The following PRP4K variants were observed in gnomAD, a reference collection of about 807,000 sequenced individuals.
PRP4K encodes pre-mRNA processing factor kinase PRP4K.
chr6:4,023,212 A>G, the PRP4K span, among the ~76,000 whole-genome samples: 5 of 152,374 alleles, frequency 3.3e-5, no homozygotes, highest in Admixed American at 6.5e-5. Context: ...ACAGTTCTTT[A>G]GAGAACACTG....
At chr6:4,059,122 A>C in the PRP4K span, among the ~76,000 whole-genome samples, 10 of 152,104 alleles carry the variant, frequency 6.6e-5, no homozygotes, top group Non-Finnish European at 1.5e-4. Flanking sequence ...GATGTTTCTG[A>C]AAACATATCT....
chr6:4,061,381 T>C, the PRP4K span: 2 of 152,672 alleles, frequency 1.3e-5, no homozygotes, highest in Non-Finnish European at 2.9e-5. Context: ...CTGTTTCTTA[T>C]TAACTTTACT....
the PRP4K span, among the ~76,000 whole-genome samples, chr6:4,029,364 G>C: frequency 3.5e-5 from 4 of 115,146 alleles, no homozygotes; most frequent in Admixed American, 9.7e-5. Flanking sequence ...TTTTTTTAAA[G>C]ACAGGGTCTT....
At chr6:4,060,765 CT>C in the PRP4K span, 2 of 745,370 alleles carry the variant, frequency 2.7e-6, no homozygotes, top group South Asian at 4.0e-5. This position sits in a 1 kb window ranked among gnomAD's most constrained non-coding sequence, Gnocchi z 4.7. Context: ...GGTGATATTT[CT>C]TTTAGAGATG....
the PRP4K span, chr6:4,032,503 C>G: frequency 6.2e-7 from 1 of 1,613,968 alleles, no homozygotes; most frequent in Admixed American, 1.7e-5. Context: ...ATTAAATCTC[C>G]CTCTAAAGAT....
chr6:4,044,291 A>G, the PRP4K span: 1 of 366,742 alleles, frequency 2.7e-6, no homozygotes. Flanking sequence ...AGCAAATCCA[A>G]TTATGATTTT....
At chr6:4,027,979 A>G in the PRP4K span, among the ~76,000 whole-genome samples, 2 of 152,092 alleles carry the variant, frequency 1.3e-5, no homozygotes, top group Non-Finnish European at 2.9e-5. Flanking sequence ...TACCTTCATA[A>G]CTTGAATTAG....
At chr6:4,036,002 T>C in the PRP4K span, among the ~76,000 whole-genome samples, 2 of 110,278 alleles carry the variant, frequency 1.8e-5, no homozygotes, top group African/African-American at 7.3e-5. Context: ...GAAAATACTG[T>C]AATATTATTT....
At chr6:4,046,297 G>T in the PRP4K span, among the ~76,000 whole-genome samples, 1 of 152,168 alleles carries the variant, frequency 6.6e-6, no homozygotes, top group Non-Finnish European at 1.5e-5. Flanking sequence ...ACAGAATGTT[G>T]TTGTACTTTT....
the PRP4K span, among the ~76,000 whole-genome samples, chr6:4,041,824 T>C: frequency 6.6e-6 from 1 of 152,164 alleles, no homozygotes; most frequent in Non-Finnish European, 1.5e-5. Context: ...AACCAGGTGA[T>C]TAAAGTTGGA....
the PRP4K span, among the ~76,000 whole-genome samples, chr6:4,056,092 C>A: frequency 6.6e-6 from 1 of 150,554 alleles, no homozygotes; most frequent in South Asian, 2.1e-4. Flanking sequence ...TTTGTGATAT[C>A]CATTTCCTCA....
chr6:4,044,158 A>G, the PRP4K span: 5 of 716,464 alleles, frequency 7.0e-6, no homozygotes, highest in Non-Finnish European at 1.2e-5. Flanking sequence ...TATTGCAGTA[A>G]TATAATATTA....
the PRP4K span, among the ~76,000 whole-genome samples, chr6:4,051,245 G>A: frequency 1.3e-5 from 2 of 152,114 alleles, no homozygotes; most frequent in African/African-American, 4.8e-5. Flanking sequence ...AGACTAGTGT[G>A]CAGTGTGGTT....
chr6:4,064,362 T>C, the PRP4K span: 4 of 152,744 alleles, frequency 2.6e-5, no homozygotes, highest in South Asian at 2.1e-4. Context: ...ATTCCTCTTA[T>C]GCTTTACCTG....
At chr6:4,045,603 T>TA in the PRP4K span, among the ~76,000 whole-genome samples, 1 of 152,252 alleles carries the variant, frequency 6.6e-6, no homozygotes. Flanking sequence ...TTTATTAACT[T>TA]ATGATTTTAT....
chr6:4,056,428 T>C, the PRP4K span: 1 of 1,613,662 alleles, frequency 6.2e-7, no homozygotes, highest in Non-Finnish European at 8.5e-7. Flanking sequence ...ATCGTGCTCC[T>C]GAAATCAGTA....
chr6:4,027,601 G>C, the PRP4K span, among the ~76,000 whole-genome samples: 6 of 122,146 alleles, frequency 4.9e-5, no homozygotes, highest in South Asian at 3.3e-4. Flanking sequence ...GCGGAGGGGT[G>C]GGGGGGTGGG....
At chr6:4,058,285 C>CAT in the PRP4K span, among the ~76,000 whole-genome samples, 1 of 152,108 alleles carries the variant, frequency 6.6e-6, no homozygotes, top group Non-Finnish European at 1.5e-5. Context: ...GAATAAGTTA[C>CAT]ATAAAAATGA....
At chr6:4,040,518 T>G in the PRP4K span, among the ~76,000 whole-genome samples, 1 of 152,290 alleles carries the variant, frequency 6.6e-6, no homozygotes, top group Non-Finnish European at 1.5e-5. Context: ...TAGTTCAGAG[T>G]TTGATAAGGA....
Sources: allele counts gnomAD v4.1 joint callset (sites outside exome capture counted in the v4.1 genomes callset), GRCh38; gene constraint gnomAD v4.1.1; non-coding constraint Gnocchi (gnomAD v3.1); transcripts MANE v1.5; gene names NCBI Gene and HGNC (gene_info 2026-07-23, HGNC 2026-07-21).